The following EFEMP1 variants were observed in gnomAD, a reference collection of about 807,000 sequenced individuals.
EFEMP1 encodes the protein EGF-like fibulin extracellular matrix protein 1, also known as EGF-containing fibulin-like extracellular matrix protein 1.
EFEMP1 carries 18 observed loss-of-function variants against 65.7 expected under a neutral mutation model. The ratio of observed to expected loss-of-function variants is 0.27; its 90% CI spans 0.19 to 0.41. The LOEUF is 0.41. Among genes scored for constraint, EFEMP1 ranks in the 10% least tolerant of loss-of-function variants. The pLI is 1.00. For missense variants in EFEMP1, 469 were observed against 624.8 expected, an observed-to-expected ratio of 0.75 and a Z score of 2.66; for synonymous variants, 237 against 219.7, an observed-to-expected ratio of 1.08 and a Z score of -0.70.
chr2:55,868,871 T>C (rs1033519369), intron 11 of EFEMP1, among the ~76,000 whole-genome samples: 6 of 152,202 alleles, frequency 3.9e-5, no homozygotes, highest in Non-Finnish European at 7.3e-5. Flanking sequence ...TGCTGTTGAT[T>C]TTCATGCGTT....
At chr2:55,872,455 A>C (rs145635573) in intron 9 of EFEMP1, among the ~76,000 whole-genome samples, 33 of 152,300 alleles carry the variant, frequency 2.2e-4, no homozygotes, top group South Asian at 1.0e-3. Context: ...ATCACCTAGC[A>C]TTAATGCAAT....
chr2:55,885,026 G>C lies in EFEMP1; in HGVS notation c.518-3292C>G, dbSNP rs967759712. On this transcript the variant is annotated intron_variant, in intron 5 of 11. Coordinates refer to ENST00000355426, the MANE Select transcript of EFEMP1 (RefSeq NM_001039348.3). This position sits in a 1 kb window ranked among gnomAD's most constrained non-coding sequence, Gnocchi z 4.3. ...TGTTTTACCTAATGGAGCTAAAAAT[G>C]TATGAAGCAGAGTAACAAGGTATAT... 1.3e-5 allele frequency among the ~76,000 whole-genome samples: 2 copies of C among 152,210 alleles called. No individual in the cohort carries two copies. The highest frequency in any genetic ancestry group is 2.9e-5 in the Non-Finnish European group (2 of 68,036).
At chr2:55,892,316 T>C (rs1417691399) in intron 5 of EFEMP1, among the ~76,000 whole-genome samples, 1 of 152,136 alleles carries the variant, frequency 6.6e-6, no homozygotes, top group African/African-American at 2.4e-5. Context: ...AATTCCAAAA[T>C]GCTGTTTTTA....
intron 5 of EFEMP1, among the ~76,000 whole-genome samples, chr2:55,911,087 G>T (rs996978687): frequency 6.6e-6 from 1 of 152,154 alleles, no homozygotes; most frequent in Non-Finnish European, 1.5e-5. Flanking sequence ...ATAGTTATAT[G>T]ATTGCATATT....
intron 5 of EFEMP1, among the ~76,000 whole-genome samples, chr2:55,905,723 A>G (rs1297848854): frequency 6.6e-6 from 1 of 152,182 alleles, no homozygotes; most frequent in East Asian, 1.9e-4. Flanking sequence ...TGCTGGGATT[A>G]CAGGTGTGAG....
At chr2:55,897,262 C>T (rs1669863601) in intron 5 of EFEMP1, among the ~76,000 whole-genome samples, 1 of 152,164 alleles carries the variant, frequency 6.6e-6, no homozygotes, top group Non-Finnish European at 1.5e-5. Flanking sequence ...AATAGTCTCA[C>T]ACTTTGAAAT....
rs1305961316 is a variant in EFEMP1, at chr2:55,922,267, A to G, written c.81+93T>C. 9 of 1,142,242 alleles carry G rather than the reference A, an allele frequency of 7.9e-6. No individual in the cohort carries two copies. The highest frequency in any genetic ancestry group is 1.1e-5 in the Non-Finnish European group (8 of 754,232). 70.8% of individuals were successfully genotyped at this position (1,142,242 alleles called of 1,614,324 possible). A position where few individuals can be genotyped will look rare whatever the true frequency, so the allele number is the denominator to read the frequency against. Reference sequence around the variant, plus strand: ...TTTAATTTATCACCCTCAGCAGAGTATAGCCCAAATACACTGGCAGGGGTG... The same window carrying G: ...TTTAATTTATCACCCTCAGCAGAGTGTAGCCCAAATACACTGGCAGGGGTG... On this transcript the variant is annotated intron_variant, in intron 3 of 11. Coordinates refer to ENST00000355426, the MANE Select transcript of EFEMP1 (RefSeq NM_001039348.3). This position sits in a 1 kb window ranked among gnomAD's most constrained non-coding sequence, Gnocchi z 5.5.
chr2:55,906,222 CTTTTTT>C (rs577782138), intron 5 of EFEMP1, among the ~76,000 whole-genome samples: 1 of 129,786 alleles, frequency 7.7e-6, no homozygotes. Flanking sequence ...AGCCCTGCAT[CTTTTTT>C]TTTTTTTTTT....
intron 5 of EFEMP1, 83 bp from the exon 6 acceptor site, chr2:55,881,817 A>AT: frequency 6.5e-7 from 1 of 1,530,756 alleles, no homozygotes; most frequent in Non-Finnish European, 9.0e-7. Flanking sequence ...CTTAAGCTAA[A>AT]TTTTTACTTT....
intron 6 of EFEMP1, among the ~76,000 whole-genome samples, chr2:55,878,897 A>G (rs919747273): frequency 6.6e-6 from 1 of 152,208 alleles, no homozygotes; most frequent in Non-Finnish European, 1.5e-5. Context: ...GTAAACATAA[A>G]TGGGAGCTAA....
intron 5 of EFEMP1, among the ~76,000 whole-genome samples, chr2:55,912,348 G>A (rs1004485990): frequency 2.0e-5 from 3 of 152,166 alleles, no homozygotes; most frequent in Non-Finnish European, 2.9e-5. Flanking sequence ...GTGTTTGAAA[G>A]CTGTTTGGTA....
At chr2:55,872,331 C>A (rs1266228380) in intron 9 of EFEMP1, among the ~76,000 whole-genome samples, 2 of 152,000 alleles carry the variant, frequency 1.3e-5, no homozygotes, top group Non-Finnish European at 2.9e-5. Flanking sequence ...TTTTTAAGGG[C>A]CTTTATTGCT....
At chr2:55,915,185 C>A (rs548338728) in intron 5 of EFEMP1, among the ~76,000 whole-genome samples, 20 of 152,320 alleles carry the variant, frequency 1.3e-4, no homozygotes, top group Admixed American at 1.0e-3. Context: ...TTCCAAAAAA[C>A]TTTTAACCCT....
At chr2:55,913,291 A>T (rs1670550485) in intron 5 of EFEMP1, among the ~76,000 whole-genome samples, 1 of 152,164 alleles carries the variant, frequency 6.6e-6, no homozygotes, top group Non-Finnish European at 1.5e-5. Flanking sequence ...GTAGACAGAG[A>T]TGGTGGAAAC....
rs1211282143 is a variant in EFEMP1, at chr2:55,873,220, T to C, written c.1000+1726A>G. ...TTCATTTTATTCCTGTGGACAAGGC[T>C]CAGAAGGAACGATTTCCGTAGGAGA... is the stretch of plus-strand genomic sequence containing the variant. On this transcript the variant is annotated intron_variant, in intron 9 of 11. Coordinates refer to ENST00000355426, the MANE Select transcript of EFEMP1 (RefSeq NM_001039348.3). The surrounding 1 kb of genome is among the most constrained non-coding windows in gnomAD (Gnocchi z 4.6). Among the ~76,000 whole-genome samples, 1 of 152,028 alleles carries C rather than the reference T, an allele frequency of 6.6e-6. No individual in the cohort carries two copies. Among genetic ancestry groups the C allele is most frequent in the Non-Finnish European group, 1.5e-5 (1 of 67,952 alleles).
rs909784363 is a variant in EFEMP1, at chr2:55,885,304, G to A, written c.518-3570C>T. 3.9e-5 allele frequency among the ~76,000 whole-genome samples: 6 copies of A among 152,200 alleles called. No homozygotes were observed. The highest frequency in any genetic ancestry group is 8.8e-5 in the Non-Finnish European group (6 of 68,038). ...CCATGAGAAGAATGGCAGACAGATG[G>A]CGTCAGCACAGCTGCCGGGGCTCTG... is the stretch of plus-strand genomic sequence containing the variant. On this transcript the variant is annotated intron_variant, in intron 5 of 11. Coordinates refer to ENST00000355426, the MANE Select transcript of EFEMP1 (RefSeq NM_001039348.3). This position sits in a 1 kb window ranked among gnomAD's most constrained non-coding sequence, Gnocchi z 4.3.
At position 55,922,699 on chromosome 2, in the gene EFEMP1, C is replaced by T. The variant is rs2104459157; in HGVS notation, c.-8+200G>A. 2.1e-6 allele frequency: 1 copy of T among 470,826 alleles called. No homozygotes were observed. The highest frequency in any genetic ancestry group is 5.1e-5 in the East Asian group (1 of 19,590). 29.2% of individuals were successfully genotyped at this position (470,826 alleles called of 1,614,324 possible). A position where few individuals can be genotyped will look rare whatever the true frequency, so the allele number is the denominator to read the frequency against. On this transcript the variant is annotated intron_variant, in intron 2 of 11. Transcript: ENST00000355426. The surrounding 1 kb of genome is among the most constrained non-coding windows in gnomAD (Gnocchi z 5.5). ...TTACTCCATCCTGCTACGCTGTTTACATACAAAAGACATTCAGCGTGCATT... is the reference window on the plus strand; with the variant it reads ...TTACTCCATCCTGCTACGCTGTTTATATACAAAAGACATTCAGCGTGCATT...
chr2:55,876,665 T>C lies in EFEMP1; in HGVS notation c.838A>G (p.Asn280Asp). Residue 280 changes from asparagine to aspartate, a missense_variant, in exon 8 of 12, where the codon AAT (asparagine) becomes GAT (aspartate). Physicochemically the swap from Asn to Asp is conservative, Grantham distance 23 (BLOSUM62 1). Transcript: ENST00000355426. ...TCACTGCTTAGCTCATATCCTTGAT[T>C]GCACTGACAGATGAATGAACCAAGA... ...NILGSFICQC[N>D]QGYELSSDRL... The C allele has an allele frequency of 6.2e-7, 1 of 1,612,516 alleles. No homozygotes were observed. The highest frequency in any genetic ancestry group is 8.5e-7 in the Non-Finnish European group (1 of 1,178,960).
At chr2:55,876,543 T>C in intron 8 of EFEMP1, 80 bp downstream of exon 8, 2 of 1,567,856 alleles carry the variant, frequency 1.3e-6, no homozygotes, top group Admixed American at 1.7e-5. Context: ...TTTGTTTTCA[T>C]AAATGGGTAC....
Sources: allele counts gnomAD v4.1 joint callset (sites outside exome capture counted in the v4.1 genomes callset), GRCh38; gene constraint gnomAD v4.1.1; non-coding constraint Gnocchi (gnomAD v3.1); transcripts MANE v1.5; gene names NCBI Gene and HGNC (gene_info 2026-07-23, HGNC 2026-07-21).